The following SDK2 variants were observed in gnomAD, a reference collection of about 807,000 sequenced individuals.
The protein encoded by SDK2 is protein sidekick-2.
In SDK2, 105 loss-of-function variants were observed where a neutral mutation model predicts 253.9. The observed-to-expected ratio is 0.41, with a 90% CI of 0.35 to 0.49. The LOEUF is 0.49. Among genes scored for constraint, SDK2 ranks in the 20% least tolerant of loss-of-function variants. The pLI is 0.06. For synonymous variants in SDK2, 1,249 were observed against 1,234.9 expected (o/e 1.01, Z -0.24); for missense variants, 2,608 against 3,003.0 (o/e 0.87, Z 3.07).
chr17:73,376,219 C>CCTCATGGACCTGG (rs1347993832), intron 36 of SDK2, among the ~76,000 whole-genome samples: 4 of 152,002 alleles, frequency 2.6e-5, no homozygotes, highest in African/African-American at 9.7e-5. Flanking sequence ...ATTCAAACCT[C>CCTCATGGACCTGG]CTCATGGACC....
intron 1 of SDK2, among the ~76,000 whole-genome samples, chr17:73,626,913 A>G (rs1415558561): frequency 6.6e-6 from 1 of 152,162 alleles, no homozygotes; most frequent in Non-Finnish European, 1.5e-5. Flanking sequence ...CTCCTTGGGT[A>G]GCGTCTTCAC....
At chr17:73,374,945 G>T (rs2062765181) in intron 36 of SDK2, among the ~76,000 whole-genome samples, 1 of 152,110 alleles carries the variant, frequency 6.6e-6, no homozygotes, top group African/African-American at 2.4e-5. Flanking sequence ...CAGCCAGCGG[G>T]ACCCTCTGAA....
At chr17:73,429,248 C>T (rs992986939) in intron 12 of SDK2, among the ~76,000 whole-genome samples, 4 of 152,144 alleles carry the variant, frequency 2.6e-5, no homozygotes, top group African/African-American at 4.8e-5. Context: ...TCTCCCAGGA[C>T]CTTTTTTACA....
chr17:73,412,703 G>A (rs2063149448), intron 18 of SDK2, among the ~76,000 whole-genome samples: 1 of 152,126 alleles, frequency 6.6e-6, no homozygotes. Context: ...ATTACTTGAG[G>A]TTGGGAGTCT....
chr17:73,564,281 G>C (rs1271228848), intron 1 of SDK2, among the ~76,000 whole-genome samples: 1 of 152,210 alleles, frequency 6.6e-6, no homozygotes, highest in Non-Finnish European at 1.5e-5. Context: ...TGACTACCAT[G>C]TTGGGCAGCA....
intron 1 of SDK2, among the ~76,000 whole-genome samples, chr17:73,512,092 A>C (rs1183603505): frequency 1.3e-5 from 2 of 152,188 alleles, no homozygotes; most frequent in Non-Finnish European, 2.9e-5. Flanking sequence ...ATTTATGTGC[A>C]GGGACAGATT....
At chr17:73,440,193 C>T (rs984205377) in intron 6 of SDK2, among the ~76,000 whole-genome samples, 3 of 151,482 alleles carry the variant, frequency 2.0e-5, no homozygotes, top group South Asian at 2.1e-4. Context: ...CTGTAACCTC[C>T]GCCTCCTGGG....
At chr17:73,568,472 T>C (rs2045337961) in intron 1 of SDK2, among the ~76,000 whole-genome samples, 1 of 152,064 alleles carries the variant, frequency 6.6e-6, no homozygotes, top group African/African-American at 2.4e-5. Context: ...GAATACAAGA[T>C]CTGAAATTAA....
At chr17:73,454,671 T>C (rs563780035) in intron 4 of SDK2, among the ~76,000 whole-genome samples, 1 of 152,346 alleles carries the variant, frequency 6.6e-6, no homozygotes, top group South Asian at 2.1e-4. Context: ...AGCCATTCAA[T>C]AAACGGCAGC....
intron 1 of SDK2, among the ~76,000 whole-genome samples, chr17:73,598,004 G>A (rs1436119163): frequency 6.6e-6 from 1 of 152,126 alleles, no homozygotes; most frequent in Non-Finnish European, 1.5e-5. Context: ...TCTACAGATG[G>A]GAAGAGTGAC....
chr17:73,408,045 TC>T (rs374279167), intron 18 of SDK2, among the ~76,000 whole-genome samples: 72,444 of 105,024 alleles, frequency 0.69, 26,700 homozygotes, highest in Non-Finnish European at 0.75. Context: ...GTAAAATATT[TC>T]CTTTTTTTTT....
intron 36 of SDK2, among the ~76,000 whole-genome samples, chr17:73,372,580 T>C (rs936292339): frequency 6.6e-6 from 1 of 151,928 alleles, no homozygotes; most frequent in Non-Finnish European, 1.5e-5. Context: ...ATTGACAATC[T>C]AAGATCTATA....
At position 73,395,383 on chromosome 17, in the gene SDK2, C is replaced by A. The variant is rs2062962883; in HGVS notation, c.3364G>T (p.Glu1122Ter). The change falls in exon 25 of 45, where the codon GAG becomes TAG. Residue 1122 changes from glutamate (E) to a stop codon, truncating the protein, a stop_gained. Transcript: ENST00000392650. LOFTEE classifies it high-confidence loss of function. The surrounding 1 kb of genome is among the most constrained non-coding windows in gnomAD (Gnocchi z 4.3). The stretch of plus-strand genomic sequence containing the variant: ...TCAGGGTTCCCATTGTATTCCATCT[C>A]CGGGAGAGGCTGCAGCGGGGCAGGG... ...SLWLRWMPLPEMEYNGNPESV... is the reference protein window; with the variant it reads ...SLWLRWMPLP 1 of 1,613,678 alleles carries A rather than the reference C, an allele frequency of 6.2e-7. No individual in the cohort carries two copies. Among genetic ancestry groups the A allele is most frequent in the South Asian group, 1.1e-5 (1 of 91,070 alleles).
chr17:73,553,095 G>A (rs1236969740), intron 1 of SDK2, among the ~76,000 whole-genome samples: 2 of 152,212 alleles, frequency 1.3e-5, no homozygotes, highest in African/African-American at 4.8e-5. Flanking sequence ...GGCTTCTGTG[G>A]GGGCTGGGAG....
intron 1 of SDK2, among the ~76,000 whole-genome samples, chr17:73,575,228 G>T (rs2045442419): frequency 6.6e-6 from 1 of 152,216 alleles, no homozygotes. Context: ...GCATCGGGAA[G>T]ATCAAAGCCA....
chr17:73,409,429 C>T (rs1007310409), intron 18 of SDK2, among the ~76,000 whole-genome samples: 13 of 150,504 alleles, frequency 8.6e-5, no homozygotes, highest in African/African-American at 3.2e-4. Context: ...TGCAGTGAGC[C>T]GAGATCCAAC....
intron 1 of SDK2, among the ~76,000 whole-genome samples, chr17:73,527,978 T>C (rs1434148440): frequency 6.6e-6 from 1 of 151,604 alleles, no homozygotes; most frequent in Non-Finnish European, 1.5e-5. Context: ...TGTGTTAGAT[T>C]GGAGGGCGGG....
intron 3 of SDK2, among the ~76,000 whole-genome samples, chr17:73,470,937 G>T (rs1432621473): frequency 2.6e-5 from 4 of 152,214 alleles, no homozygotes; most frequent in Non-Finnish European, 5.9e-5. Context: ...GCAGATATTT[G>T]AGGAAGCCGG....
chr17:73,507,587 G>A lies in SDK2; in HGVS notation c.75C>T (p.Ser25=), dbSNP rs1373226567. 4.5e-6 allele frequency: 7 copies of A among 1,551,142 alleles called. No homozygotes were observed. The African/African-American group carries it at 6.8e-5, about 15-fold the overall frequency. ...GCACAGGCTCTGTCTTGAAATACGGGGACACATCATCTGCAGAAACAGGGA... is the reference window on the plus strand; with the variant it reads ...GCACAGGCTCTGTCTTGAAATACGGAGACACATCATCTGCAGAAACAGGGA... The part of the protein sequence containing the change: ...IRAARAQDDV[S]PYFKTEPVRT... Residue 25 remains serine (S), a synonymous_variant, in exon 2 of 45, where the codon TCC becomes TCT. Coordinates refer to ENST00000392650, the MANE Select transcript of SDK2 (RefSeq NM_001144952.2).
Sources: gnomAD v4.1 joint callset for allele counts (sites outside exome capture counted in the v4.1 genomes callset) on GRCh38, gnomAD v4.1.1 for gene constraint, Gnocchi (gnomAD v3.1) non-coding constraint, MANE v1.5 for transcripts, NCBI Gene and HGNC (gene_info 2026-07-23, HGNC 2026-07-21) for gene names.